The following ENPP1 variants were observed in gnomAD, a reference collection of about 807,000 sequenced individuals.
ENPP1 encodes the protein ectonucleotide pyrophosphatase/phosphodiesterase 1.
Under a neutral mutation model 122.8 loss-of-function variants are expected in ENPP1, and 73 were observed. The observed-to-expected ratio is 0.59, with a 90% CI of 0.49 to 0.72. ENPP1 has a LOEUF of 0.72. Among genes scored for constraint, ENPP1 ranks in the 30% least tolerant of loss-of-function variants. The pLI, the probability that ENPP1 is intolerant of heterozygous loss-of-function variation, is 0.00. For synonymous variants in ENPP1, 367 were observed against 391.6 expected (o/e 0.94, Z 0.74); for missense variants, 978 against 1,128.1 (o/e 0.87, Z 1.91).
chr6:131,845,456 T>TG (rs908138469), intron 1 of ENPP1, among the ~76,000 whole-genome samples: 5 of 149,522 alleles, frequency 3.3e-5, no homozygotes, highest in African/African-American at 7.3e-5. Flanking sequence ...GGCTTGTTTT[T>TG]TTTTTTTTTT....
At chr6:131,829,013 A>C (rs1236942462) in intron 1 of ENPP1, among the ~76,000 whole-genome samples, 1 of 152,274 alleles carries the variant, frequency 6.6e-6, no homozygotes, top group Non-Finnish European at 1.5e-5. Flanking sequence ...CAGCAAATAA[A>C]TTACAGAAAC....
At chr6:131,880,927 C>T (rs149145983) in intron 20 of ENPP1, among the ~76,000 whole-genome samples, 40 of 152,204 alleles carry the variant, frequency 2.6e-4, no homozygotes, top group African/African-American at 9.4e-4. Context: ...AGCCTTCCCC[C>T]TCACCCATGG....
In ENPP1 at chr6:131,847,776, G is replaced by A. The variant is rs1199396446; in HGVS notation, c.241G>A (p.Val81Ile). ...DPNTYKVLSL[V>I]LSVCVLTTIL... The stretch of plus-strand genomic sequence containing the variant: ...GTAATTTTCTCTTTTCTCCCTACAG[G>A]TATTGTCAGTATGTGTGTTAACAAC... The change falls in exon 2 of 25, where the codon GTA (valine) becomes ATA (isoleucine). Residue 81 changes from valine (V) to isoleucine (I), a missense_variant and splice_region_variant. Transcript: ENST00000647893. 3.1e-6 allele frequency: 5 copies of A among 1,602,368 alleles called. No individual in the cohort carries two copies. The highest frequency in any genetic ancestry group is 1.3e-5 in the African/African-American group (1 of 74,522).
chr6:131,828,242 T>C (rs779537933), intron 1 of ENPP1: 1 of 556,536 alleles, frequency 1.8e-6, no homozygotes, highest in Non-Finnish European at 3.5e-6. Context: ...CAAATTCCAC[T>C]TTGTAAGAAG....
chr6:131,841,076 C>T (rs1781733775), intron 1 of ENPP1, among the ~76,000 whole-genome samples: 1 of 152,186 alleles, frequency 6.6e-6, no homozygotes. Context: ...ATACTGAGTG[C>T]ATAAGAGACC....
At chr6:131,815,350 T>C (rs1479546634) in intron 1 of ENPP1, among the ~76,000 whole-genome samples, 2 of 152,218 alleles carry the variant, frequency 1.3e-5, no homozygotes, top group African/African-American at 2.4e-5. Flanking sequence ...ATTCAGTCTT[T>C]GTGATTCTTC....
intron 20 of ENPP1, 92 bp downstream of exon 20, chr6:131,880,126 T>C: frequency 2.3e-6 from 3 of 1,306,538 alleles, no homozygotes; most frequent in Non-Finnish European, 2.2e-6. Flanking sequence ...TCACCTTGGC[T>C]TTATACTCAG....
At chr6:131,810,495 A>G (rs2114646212) in intron 1 of ENPP1, among the ~76,000 whole-genome samples, 1 of 145,116 alleles carries the variant, frequency 6.9e-6, no homozygotes, top group Middle Eastern at 3.6e-3. Context: ...CAAATGGAAA[A>G]GGCCCCAAAA....
At position 131,886,926 on chromosome 6, in the gene ENPP1, CTT is replaced by C. The variant is rs60409660; in HGVS notation, c.2607+221_2607+222del. On this transcript the variant is annotated intron_variant, in intron 24 of 24. Transcript: ENST00000647893. ...TACCCTTGTCTGCTTTTACTTTTTT[CTT>C]TTTTTTTTTTTTTTTTTTAGAGATA... Among the ~76,000 whole-genome samples the C allele has an allele frequency of 2.1e-3, 235 of 110,622 alleles. 2 individuals are homozygous for C. Among genetic ancestry groups the C allele is most frequent in the Admixed American group, 5.1e-3 (55 of 10,708 alleles). The allele number at this position is 110,622 out of a possible 152,430, so 72.6% of individuals were successfully genotyped here.
chr6:131,828,000 G>A, intron 1 of ENPP1: 1 of 697,654 alleles, frequency 1.4e-6, no homozygotes, highest in Non-Finnish European at 2.7e-6. Context: ...GGGTAGTGAA[G>A]CCATAAGTTG....
chr6:131,889,263 A>C (rs975260094), intron 24 of ENPP1, among the ~76,000 whole-genome samples: 1 of 152,202 alleles, frequency 6.6e-6, no homozygotes. Context: ...CATGTGCAGG[A>C]TGTGCAGGTT....
chr6:131,874,428 T>A, intron 16 of ENPP1, 91 bp downstream of exon 16: 1 of 736,652 alleles, frequency 1.4e-6, no homozygotes, highest in Admixed American at 2.1e-5. Context: ...TGATTATATG[T>A]CTTGAATGAG....
intron 16 of ENPP1, 21 bp downstream of exon 16, chr6:131,874,358 T>G (rs368476591): frequency 9.9e-5 from 134 of 1,348,410 alleles, no homozygotes; most frequent in Non-Finnish European, 1.3e-4. Context: ...CTATTATACT[T>G]AATTGGATTA....
chr6:131,863,563 TGCAATGCCTCTTCTCCACCTTC>T (rs1782050281), intron 9 of ENPP1, among the ~76,000 whole-genome samples: 2 of 152,094 alleles, frequency 1.3e-5, no homozygotes, highest in African/African-American at 4.8e-5. Flanking sequence ...AGGAGCACAG[TGCAATGCCTCTTCTCCACCTTC>T]TTATTTGCCA....
chr6:131,839,057 A>G (rs773935059), intron 1 of ENPP1, among the ~76,000 whole-genome samples: 7 of 152,166 alleles, frequency 4.6e-5, no homozygotes, highest in African/African-American at 1.7e-4. Context: ...ACGAACTCTA[A>G]TCTTACCATC....
intron 1 of ENPP1, among the ~76,000 whole-genome samples, chr6:131,846,702 T>A (rs536242630): frequency 6.6e-6 from 1 of 152,346 alleles, no homozygotes; most frequent in South Asian, 2.1e-4. Flanking sequence ...TTTCCTTCAG[T>A]GTATAACAGT....
intron 7 of ENPP1, among the ~76,000 whole-genome samples, chr6:131,859,826 A>G (rs1781994742): frequency 6.6e-6 from 1 of 152,160 alleles, no homozygotes; most frequent in Admixed American, 6.5e-5. Context: ...TTCTTTTAAC[A>G]ATAGGCTAGA....
chr6:131,872,241 G>A (rs1782171579), intron 14 of ENPP1, 140 bp downstream of exon 14: 1 of 652,096 alleles, frequency 1.5e-6, no homozygotes, highest in South Asian at 2.1e-5. Flanking sequence ...ATGCTGTGTA[G>A]TTTAAAGATC....
intron 11 of ENPP1, among the ~76,000 whole-genome samples, chr6:131,867,231 C>G (rs1782102663): frequency 6.6e-6 from 1 of 152,156 alleles, no homozygotes; most frequent in Admixed American, 6.5e-5. Flanking sequence ...AAGAGCTTAT[C>G]TCATATTATA....
Sources: gnomAD v4.1 joint callset for allele counts (sites outside exome capture counted in the v4.1 genomes callset) on GRCh38, gnomAD v4.1.1 for gene constraint, MANE v1.5 for transcripts, NCBI Gene and HGNC (gene_info 2026-07-23, HGNC 2026-07-21) for gene names.